The following RALYL variants were observed in gnomAD, a reference collection of about 807,000 sequenced individuals.
The protein encoded by RALYL is RNA-binding Raly-like protein.
A neutral mutation model predicts 35.1 loss-of-function variants in RALYL; 29 were observed. The observed-to-expected ratio is 0.83, with a 90% CI of 0.61 to 1.13. RALYL has a LOEUF of 1.13. Among genes scored for constraint, RALYL ranks in the 50% most tolerant of loss-of-function variants. The pLI is 0.00. For missense variants in RALYL, 359 were observed against 360.4 expected (o/e 1.00, Z 0.03); for synonymous variants, 120 against 127.6 (o/e 0.94, Z 0.40).
intron 4 of RALYL, among the ~76,000 whole-genome samples, chr8:84,811,096 T>C (rs1825807426): frequency 6.6e-6 from 1 of 152,176 alleles, no homozygotes; most frequent in Non-Finnish European, 1.5e-5. Context: ...CTTATACTTT[T>C]GTTTTCTAGG....
intron 1 of RALYL, among the ~76,000 whole-genome samples, chr8:84,311,383 A>G (rs1241090316): frequency 6.6e-6 from 1 of 152,106 alleles, no homozygotes; most frequent in Non-Finnish European, 1.5e-5. Flanking sequence ...TGAAAAATAA[A>G]GAAAATAAAC....
intron 1 of RALYL, among the ~76,000 whole-genome samples, chr8:84,225,109 T>C (rs1375530172): frequency 2.0e-5 from 3 of 152,236 alleles, no homozygotes; most frequent in African/African-American, 4.8e-5. Flanking sequence ...TCAAGATAGA[T>C]AGTTAGAAGT....
At chr8:84,183,008 G>A (rs1481028813), upstream of RALYL, 2 of 152,760 alleles carry the variant, frequency 1.3e-5, no homozygotes, top group African/African-American at 4.8e-5. Context: ...CAACTTTGAG[G>A]TGAGCAGCAA....
intron 2 of RALYL, among the ~76,000 whole-genome samples, chr8:84,706,966 C>G (rs533009326): frequency 1.3e-5 from 2 of 152,190 alleles, no homozygotes; most frequent in African/African-American, 4.8e-5. Flanking sequence ...TACTCAAAGT[C>G]TGTACTTTTT....
intron 4 of RALYL, among the ~76,000 whole-genome samples, chr8:84,842,635 T>C (rs890383585): frequency 2.0e-5 from 3 of 152,190 alleles, no homozygotes; most frequent in African/African-American, 7.2e-5. Flanking sequence ...TGCATCATAC[T>C]GATATCAAAG....
At chr8:84,522,750 T>G (rs1403608896) in intron 1 of RALYL, among the ~76,000 whole-genome samples, 1 of 152,198 alleles carries the variant, frequency 6.6e-6, no homozygotes, top group African/African-American at 2.4e-5. Context: ...ATTATAACTT[T>G]TAGTGTATGA....
chr8:84,195,348 G>A (rs1814995018), intron 1 of RALYL, among the ~76,000 whole-genome samples: 1 of 152,102 alleles, frequency 6.6e-6, no homozygotes, highest in Non-Finnish European at 1.5e-5. Context: ...GCTAAGGAAG[G>A]AGAATTGTTT....
intron 1 of RALYL, among the ~76,000 whole-genome samples, chr8:84,300,233 G>A (rs1223914815): frequency 2.0e-5 from 3 of 151,892 alleles, no homozygotes; most frequent in Admixed American, 2.0e-4. Flanking sequence ...TAATTTCCAT[G>A]TAATTGTATG....
At chr8:84,497,229 G>C (rs1325556091) in intron 1 of RALYL, among the ~76,000 whole-genome samples, 1 of 152,106 alleles carries the variant, frequency 6.6e-6, no homozygotes, top group African/African-American at 2.4e-5. Context: ...GCATGTAGAG[G>C]GAGGCAAAAC....
At chr8:84,561,424 C>G (rs1477080090) in intron 2 of RALYL, among the ~76,000 whole-genome samples, 3 of 151,814 alleles carry the variant, frequency 2.0e-5, no homozygotes, top group Non-Finnish European at 4.4e-5. Context: ...CGGTAGTCCC[C>G]CCTATCTGTG....
In RALYL at chr8:84,616,709, G is replaced by T. The variant is rs1157931843; in HGVS notation, c.256+87132G>T. 2.0e-5 allele frequency among the ~76,000 whole-genome samples: 3 copies of T among 151,254 alleles called. No individual in the cohort carries two copies. In the East Asian group the frequency reaches 5.8e-4, roughly 29 times the overall value. ...GGTAATGCCTAGGTTTTCTTCTAGG[G>T]TTTTTATGGTTTTAGGTCTAACGTT... On this transcript the variant is annotated intron_variant, in intron 2 of 8. Transcript: ENST00000521268.
chr8:84,669,239 G>A (rs992589106), intron 2 of RALYL, among the ~76,000 whole-genome samples: 1 of 152,030 alleles, frequency 6.6e-6, no homozygotes, highest in African/African-American at 2.4e-5. Context: ...AAAGTAATTC[G>A]GCAGTCATCC....
At chr8:84,363,495 C>A (rs964518883) in intron 1 of RALYL, among the ~76,000 whole-genome samples, 2 of 152,152 alleles carry the variant, frequency 1.3e-5, no homozygotes, top group African/African-American at 4.8e-5. Context: ...TTATGATCAA[C>A]AACCTAATAC....
intron 6 of RALYL, among the ~76,000 whole-genome samples, chr8:84,868,066 C>T (rs577304752): frequency 9.2e-5 from 14 of 151,822 alleles, no homozygotes; most frequent in Admixed American, 8.5e-4. Context: ...TTATAGAGTC[C>T]ATGAGACCAG....
At chr8:84,771,848 T>A (rs553496847) in intron 2 of RALYL, among the ~76,000 whole-genome samples, 98 of 152,208 alleles carry the variant, frequency 6.4e-4, no homozygotes, top group African/African-American at 2.4e-3. Flanking sequence ...GACCAGAAAT[T>A]CTTAATTTTA....
chr8:84,587,323 C>T (rs186660089), intron 2 of RALYL, among the ~76,000 whole-genome samples: 1 of 152,276 alleles, frequency 6.6e-6, no homozygotes, highest in African/African-American at 2.4e-5. Flanking sequence ...CTTTAACTTA[C>T]AGTTCATTAT....
chr8:84,740,277 T>G (rs961040969), intron 2 of RALYL, among the ~76,000 whole-genome samples: 4 of 151,916 alleles, frequency 2.6e-5, no homozygotes, highest in Admixed American at 2.6e-4. Context: ...TTGGAGCAAG[T>G]CAGTTACTCT....
chr8:84,583,956 T>C (rs1226570871), intron 2 of RALYL, among the ~76,000 whole-genome samples: 1 of 152,148 alleles, frequency 6.6e-6, no homozygotes, highest in Admixed American at 6.5e-5. Flanking sequence ...ATTTTTAAAT[T>C]TTTTTATTTT....
At chr8:84,522,591 C>T (rs1182662362) in intron 1 of RALYL, among the ~76,000 whole-genome samples, 2 of 152,142 alleles carry the variant, frequency 1.3e-5, no homozygotes, top group African/African-American at 2.4e-5. Flanking sequence ...TCAAATATCA[C>T]TCACTTTAAG....
Sources: allele counts gnomAD v4.1 joint callset (sites outside exome capture counted in the v4.1 genomes callset), GRCh38; gene constraint gnomAD v4.1.1; transcripts MANE v1.5; gene names NCBI Gene and HGNC (gene_info 2026-07-23, HGNC 2026-07-21).